The following SLCO1A2 variants were observed in gnomAD, a reference collection of about 807,000 sequenced individuals.
The protein encoded by SLCO1A2 is solute carrier organic anion transporter family member 1A2, also known as OATP-1.
Under a neutral mutation model 69.0 loss-of-function variants are expected in SLCO1A2, and 67 were observed. The observed-to-expected ratio is 0.97, with a 90% CI of 0.80 to 1.19. The LOEUF (loss-of-function observed/expected upper bound fraction) is 1.19, where lower values mean the gene tolerates loss of function less well. Ranked by LOEUF, SLCO1A2 falls within the 50% of genes most tolerant of loss-of-function variation. The pLI, the probability that SLCO1A2 is intolerant of heterozygous loss-of-function variation, is 0.00. For synonymous variants in SLCO1A2, 260 were observed against 265.9 expected, an observed-to-expected ratio of 0.98 and a Z score of 0.22; for missense variants, 787 against 793.7, an observed-to-expected ratio of 0.99 and a Z score of 0.10.
intron 1 of SLCO1A2, chr12:21,378,142 T>C: frequency 8.6e-7 from 1 of 1,158,970 alleles, no homozygotes; most frequent in Admixed American, 2.1e-5. Context: ...AATTGTTTCT[T>C]TGGTTTTCAT....
chr12:21,346,926 C>T (rs1953269287), intron 2 of SLCO1A2, among the ~76,000 whole-genome samples: 1 of 151,620 alleles, frequency 6.6e-6, no homozygotes, highest in South Asian at 2.1e-4. Flanking sequence ...CTTGTGAAAG[C>T]TCTTAGTAAC....
intron 2 of SLCO1A2, among the ~76,000 whole-genome samples, chr12:21,345,660 T>C (rs900124022): frequency 2.7e-4 from 41 of 152,138 alleles, no homozygotes; most frequent in African/African-American, 9.7e-4. Flanking sequence ...TTTTTTCCAT[T>C]TTAAGTCTTG....
At chr12:21,403,176 T>C (rs1941762443) in intron 1 of SLCO1A2, among the ~76,000 whole-genome samples, 1 of 152,086 alleles carries the variant, frequency 6.6e-6, no homozygotes, top group South Asian at 2.1e-4. Context: ...AACTACATAT[T>C]TGAAAACTCA....
At chr12:21,349,327 A>G (rs940212485) in intron 2 of SLCO1A2, among the ~76,000 whole-genome samples, 2 of 152,134 alleles carry the variant, frequency 1.3e-5, no homozygotes, top group Non-Finnish European at 2.9e-5. Flanking sequence ...CTGGGTTTCT[A>G]TTCTGCTGAG....
Position 21,351,547 on chromosome 12 carries a change from G to A in SLCO1A2, c.-62-16838C>T, listed in dbSNP as rs1008244101. ...TCCCAACACTTTGGGAGGCCAAGGC[G>A]GGTGGATCACCTGAGGTCAGGAGTT... On this transcript the variant is annotated intron_variant, in intron 2 of 15. Coordinates refer to the SLCO1A2 transcript ENST00000307378. Among the ~76,000 whole-genome samples, 9 of 152,170 alleles carry A rather than the reference G, an allele frequency of 5.9e-5. No homozygotes were observed. The East Asian group carries it at 9.7e-4, about 16-fold the overall frequency.
chr12:21,407,420 A>G (rs1941838707), intron 1 of SLCO1A2, among the ~76,000 whole-genome samples: 3 of 152,202 alleles, frequency 2.0e-5, no homozygotes, highest in Admixed American at 2.0e-4. Flanking sequence ...ATGCCCAGCA[A>G]GGAGTTAGGA....
chr12:21,387,831 C>A (rs1290883014), intron 1 of SLCO1A2, among the ~76,000 whole-genome samples: 2 of 152,148 alleles, frequency 1.3e-5, no homozygotes, highest in African/African-American at 4.8e-5. Context: ...CTGGAAAAGC[C>A]ACAGACACGC....
In SLCO1A2 at chr12:21,315,055, C is replaced by CCT. The variant is rs539599544; in HGVS notation, c.203-376_203-375dup. 1.4e-3 allele frequency among the ~76,000 whole-genome samples: 214 copies of CCT among 152,294 alleles called. 5 individuals are homozygous for CCT. The South Asian group carries it at 0.043, about 31-fold the overall frequency. On this transcript the variant is annotated intron_variant, in intron 3 of 14. Transcript: ENST00000683939. ...GTGTCAGCCTGCATGTGACCTCTGGCCTCTCTCTCAATGCCTACTCCACAG... is the reference window on the plus strand; with the variant it reads ...GTGTCAGCCTGCATGTGACCTCTGGCCTCTCTCTCTCAATGCCTACTCCACAG...
At position 21,407,458 on chromosome 12, in the gene SLCO1A2, T is replaced by TAGG. The variant is rs549289405; in HGVS notation, c.-312+10421_-312+10423dup. On this transcript the variant is annotated intron_variant, in intron 1 of 4. Transcript: ENST00000413682. ...ATATTCTATTGGAAATGGGAATCCA[T>TAGG]AGGAGGGTGTGAAGCAGAAAAATTA... Among the ~76,000 whole-genome samples the TAGG allele has an allele frequency of 3.0e-3, 456 of 152,226 alleles. 1 individual carries two copies. The highest frequency in any genetic ancestry group is 5.2e-3 in the Admixed American group (79 of 15,274).
chr12:21,325,056 T>C (rs4148988), intron 2 of SLCO1A2, among the ~76,000 whole-genome samples: 47,348 of 152,038 alleles, frequency 0.31, 7,511 homozygotes, highest in East Asian at 0.33. Flanking sequence ...TATTTGTCAT[T>C]GGGAAGTGCT....
At chr12:21,418,733 T>G (rs1017204230), upstream of SLCO1A2, among the ~76,000 whole-genome samples, 1 of 151,984 alleles carries the variant, frequency 6.6e-6, no homozygotes, top group Non-Finnish European at 1.5e-5. Flanking sequence ...AAGATGAGAT[T>G]TGGATGCAGA....
intron 1 of SLCO1A2, among the ~76,000 whole-genome samples, chr12:21,416,355 G>GGC (rs954511261): frequency 5.4e-5 from 5 of 92,128 alleles, no homozygotes; most frequent in Non-Finnish European, 9.2e-5. Context: ...TAGAATCTCG[G>GGC]GCACACACAC....
intron 8 of SLCO1A2, among the ~76,000 whole-genome samples, chr12:21,298,461 C>T (rs16923647): frequency 0.1 from 15,577 of 152,164 alleles, 1,020 homozygotes; most frequent in Middle Eastern, 0.14. Context: ...TCTGTCTTGA[C>T]TTTCTTATGC....
At chr12:21,321,725 T>C (rs1951653297) in intron 2 of SLCO1A2, among the ~76,000 whole-genome samples, 1 of 152,174 alleles carries the variant, frequency 6.6e-6, no homozygotes, top group South Asian at 2.1e-4. Flanking sequence ...GTTCACCTGG[T>C]CAATATATAA....
chr12:21,351,634 C>T (rs557299359), intron 2 of SLCO1A2, among the ~76,000 whole-genome samples: 66 of 151,780 alleles, frequency 4.3e-4, no homozygotes, highest in African/African-American at 1.6e-3. Context: ...AAAAATTAGC[C>T]GGGCATGGTG....
At chr12:21,353,789 A>AATGGCT (rs1938148583) in intron 2 of SLCO1A2, among the ~76,000 whole-genome samples, 1 of 152,226 alleles carries the variant, frequency 6.6e-6, no homozygotes, top group Non-Finnish European at 1.5e-5. Context: ...AAGCCAGGCT[A>AATGGCT]ATGGCTATTC....
intron 1 of SLCO1A2, among the ~76,000 whole-genome samples, chr12:21,413,697 C>T (rs1211745593): frequency 6.6e-6 from 1 of 152,104 alleles, no homozygotes; most frequent in Non-Finnish European, 1.5e-5. Flanking sequence ...TCATCAGGAG[C>T]CTCGCATAGC....
At chr12:21,354,367 G>C (rs1434280152) in intron 2 of SLCO1A2, among the ~76,000 whole-genome samples, 3 of 152,082 alleles carry the variant, frequency 2.0e-5, no homozygotes, top group African/African-American at 7.2e-5. Flanking sequence ...TGAAGGTATT[G>C]GTATTTCTCC....
chr12:21,328,860 T>C (rs2136927828), intron 2 of SLCO1A2, among the ~76,000 whole-genome samples: 1 of 152,312 alleles, frequency 6.6e-6, no homozygotes, highest in South Asian at 2.1e-4. Context: ...CTGAACTGGA[T>C]ACTAGTCATA....
Sources: gnomAD v4.1 joint callset for allele counts (sites outside exome capture counted in the v4.1 genomes callset) on GRCh38, gnomAD v4.1.1 for gene constraint, MANE v1.5 for transcripts, NCBI Gene and HGNC (gene_info 2026-07-23, HGNC 2026-07-21) for gene names.